CTIF: variants seen among roughly 807,000 people sequenced by gnomAD.
CTIF encodes CBP80/20-dependent translation initiation factor.
CTIF carries 21 observed loss-of-function variants against 66.0 expected under a neutral mutation model. The ratio of observed to expected loss-of-function variants is 0.32; its 90% confidence interval spans 0.23 to 0.46. The LOEUF (loss-of-function observed/expected upper bound fraction) is 0.46, where lower values mean the gene tolerates loss of function less well. Among genes scored for constraint, CTIF ranks in the 20% least tolerant of loss-of-function variants. The probability of loss-of-function intolerance (pLI) is 1.00; values close to 1 mark genes in which losing one functional copy is unlikely to be tolerated. For synonymous variants in CTIF, 345 were observed against 326.4 expected, an observed-to-expected ratio of 1.06 and a Z score of -0.62; for missense variants, 739 against 812.7, an observed-to-expected ratio of 0.91 and a Z score of 1.10.
At position 48,636,644 on chromosome 18, in the gene CTIF, A is replaced by G; in HGVS notation, c.211A>G (p.Ser71Gly). The change falls in exon 3 of 12, where the codon AGC (serine) becomes GGC (glycine). Residue 71 changes from serine to glycine, a missense_variant. By Grantham distance (56) the Ser-to-Gly change is moderately conservative. Around this residue, in one of 2 missense-constraint regions of CTIF, gnomAD observed 529 missense variants for 520.3 expected, o/e 1.02. Coordinates refer to ENST00000256413, the MANE Select transcript of CTIF (RefSeq NM_014772.3). Reference sequence around the variant, plus strand: ...AGCGGACTGCAGCGAACCGCTGGACAGCAGCTGTTCCTTCTCCCGAGGGCG... The same window carrying G: ...AGCGGACTGCAGCGAACCGCTGGACGGCAGCTGTTCCTTCTCCCGAGGGCG... The part of the protein sequence containing the change: ...WTADCSEPLD[S>G]SCSFSRGRAP... 1 of 1,599,930 alleles carries G rather than the reference A, an allele frequency of 6.3e-7. No homozygotes were observed. The highest frequency in any genetic ancestry group is 1.7e-5 in the Admixed American group (1 of 57,728).
intron 1 of CTIF, chr18:48,565,377 G>A (rs1161493109): frequency 3.3e-5 from 5 of 152,164 alleles, no homozygotes; most frequent in Non-Finnish European, 7.3e-5. Flanking sequence ...AACAGCACCT[G>A]CCACTCAGTT....
intron 10 of CTIF, among the ~76,000 whole-genome samples, chr18:48,821,797 T>A (rs947181342): frequency 5.9e-5 from 9 of 152,254 alleles, no homozygotes; most frequent in African/African-American, 2.2e-4. Context: ...TTTTATTTTT[T>A]AAATATTTTT....
chr18:48,644,291 G>A (rs1218897427), intron 3 of CTIF, among the ~76,000 whole-genome samples: 1 of 152,186 alleles, frequency 6.6e-6, no homozygotes, highest in Admixed American at 6.5e-5. Flanking sequence ...GGATGGTGAG[G>A]AACATAGCCA....
intron 7 of CTIF, 68 bp downstream of exon 7, chr18:48,711,763 C>A: frequency 7.4e-7 from 1 of 1,352,654 alleles, no homozygotes; most frequent in Non-Finnish European, 1.1e-6. Context: ...GCGACGTCAG[C>A]TTTGGCCTGC....
intron 2 of CTIF, among the ~76,000 whole-genome samples, chr18:48,623,372 G>A (rs868279064): frequency 6.6e-6 from 1 of 152,134 alleles, no homozygotes; most frequent in African/African-American, 2.4e-5. Flanking sequence ...CTGCCTCCCC[G>A]ATCCCCACAG....
chr18:48,683,836 T>G, intron 6 of CTIF, among the ~76,000 whole-genome samples: 1 of 152,158 alleles, frequency 6.6e-6, no homozygotes, highest in East Asian at 1.9e-4. Context: ...CCTTGTCTGC[T>G]GAGACAAGCG....
intron 1 of CTIF, among the ~76,000 whole-genome samples, chr18:48,552,480 C>T (rs140445351): frequency 6.6e-6 from 1 of 152,260 alleles, no homozygotes; most frequent in Non-Finnish European, 1.5e-5. Flanking sequence ...GATCAAGGTG[C>T]CAGCAGATTC....
At chr18:48,810,849 ATT>A (rs1211967654) in intron 9 of CTIF, among the ~76,000 whole-genome samples, 1 of 151,740 alleles carries the variant, frequency 6.6e-6, no homozygotes, top group Non-Finnish European at 1.5e-5. Flanking sequence ...TTATTTAATA[ATT>A]GTTATCTTAA....
chr18:48,853,167 G>A lies in CTIF; in HGVS notation c.1528-4421G>A, dbSNP rs151115377. ...TGTGCCAGATGTTGGGGAGAGCAGT[G>A]GACCGACATCGCCCTACCCTCATGG... On this transcript the variant is annotated intron_variant, in intron 10 of 11. Coordinates refer to ENST00000256413, the MANE Select transcript of CTIF (RefSeq NM_014772.3). 9.6e-3 allele frequency among the ~76,000 whole-genome samples: 1,460 copies of A among 152,330 alleles called. 14 individuals carry two copies. Among genetic ancestry groups the A allele is most frequent in the Non-Finnish European group, 0.017 (1,129 of 68,032 alleles).
intron 9 of CTIF, among the ~76,000 whole-genome samples, chr18:48,792,499 A>G (rs2067816011): frequency 6.6e-6 from 1 of 152,206 alleles, no homozygotes; most frequent in African/African-American, 2.4e-5. Context: ...GAGTAGATGC[A>G]GGGATACCAG....
chr18:48,642,426 G>A (rs1379222930), intron 3 of CTIF, among the ~76,000 whole-genome samples: 1 of 152,208 alleles, frequency 6.6e-6, no homozygotes, highest in African/African-American at 2.4e-5. Flanking sequence ...AGAAGATGAA[G>A]AGAGAAGACA....
intron 10 of CTIF, among the ~76,000 whole-genome samples, chr18:48,851,558 T>C (rs1486655673): frequency 6.6e-6 from 1 of 152,112 alleles, no homozygotes; most frequent in African/African-American, 2.4e-5. Flanking sequence ...ATATTATTAC[T>C]TCACTTGTCC....
intron 7 of CTIF, among the ~76,000 whole-genome samples, chr18:48,725,437 C>A (rs796350904): frequency 1.3e-5 from 2 of 152,138 alleles, no homozygotes; most frequent in Non-Finnish European, 2.9e-5. Context: ...AGGGGAGCCT[C>A]GGCGCCCTTT....
At chr18:48,825,352 G>A (rs993968479) in intron 10 of CTIF, among the ~76,000 whole-genome samples, 2 of 152,188 alleles carry the variant, frequency 1.3e-5, no homozygotes, top group African/African-American at 4.8e-5. Context: ...ACAACTGGCT[G>A]CGCTCCTAGA....
chr18:48,603,882 A>G (rs867781269), intron 1 of CTIF, among the ~76,000 whole-genome samples: 59 of 137,810 alleles, frequency 4.3e-4, no homozygotes, highest in African/African-American at 1.6e-3. Flanking sequence ...ATGGAGTCTC[A>G]CTGTTGCCCA....
intron 5 of CTIF, among the ~76,000 whole-genome samples, chr18:48,669,230 G>C (rs936844271): frequency 1.8e-4 from 28 of 152,084 alleles, no homozygotes; most frequent in African/African-American, 6.8e-4. Flanking sequence ...CAGAAGAGAT[G>C]CTTGGTAAAT....
At position 48,776,802 on chromosome 18, in the gene CTIF, T is replaced by C. The variant is rs114474748; in HGVS notation, c.1371+15113T>C. 1.9e-3 allele frequency among the ~76,000 whole-genome samples: 296 copies of C among 152,360 alleles called. 1 individual carries two copies. The highest frequency in any genetic ancestry group is 6.9e-3 in the African/African-American group (289 of 41,592). ...GATGGGAGCTGCTCTGTCTGCAATCTGGCAGTTGTTTATCCCAAACAGGGA... is the reference window on the plus strand; with the variant it reads ...GATGGGAGCTGCTCTGTCTGCAATCCGGCAGTTGTTTATCCCAAACAGGGA... On this transcript the variant is annotated intron_variant, in intron 9 of 11. Transcript: ENST00000256413.
intron 7 of CTIF, among the ~76,000 whole-genome samples, chr18:48,736,838 A>G (rs2092508018): frequency 6.6e-6 from 1 of 152,070 alleles, no homozygotes; most frequent in African/African-American, 2.4e-5. Context: ...GCACGGGGGC[A>G]TGGCCTCTTT....
intron 7 of CTIF, among the ~76,000 whole-genome samples, chr18:48,747,308 C>T (rs973442090): frequency 6.6e-6 from 1 of 152,258 alleles, no homozygotes; most frequent in African/African-American, 2.4e-5. Context: ...TCCAGCGCCC[C>T]ATCTTCTGCC....
Sources: allele counts gnomAD v4.1 joint callset (sites outside exome capture counted in the v4.1 genomes callset), GRCh38; gene constraint gnomAD v4.1.1; regional missense constraint gnomAD v4.1.1; transcripts MANE v1.5; gene names NCBI Gene and HGNC (gene_info 2026-07-23, HGNC 2026-07-21).